The following MAP1B variants were observed in gnomAD, a reference collection of about 807,000 sequenced individuals.
MAP1B encodes microtubule-associated protein 1B.
A neutral mutation model predicts 176.1 loss-of-function variants in MAP1B; 12 were observed. That is an observed-to-expected ratio of 0.07 (90% CI 0.04 to 0.11). MAP1B has a LOEUF of 0.11. Ranked by LOEUF, MAP1B falls within the 10% of genes least tolerant of loss-of-function variation. MAP1B has a pLI of 1.00. For synonymous variants in MAP1B, 1,044 were observed against 1,135.0 expected (o/e 0.92, Z 1.61); for missense variants, 2,523 against 2,990.5 (o/e 0.84, Z 3.65).
chr5:72,185,454 G>T (rs1746875917), intron 3 of MAP1B, among the ~76,000 whole-genome samples: 1 of 152,112 alleles, frequency 6.6e-6, no homozygotes, highest in African/African-American at 2.4e-5. Context: ...AATTAGCCGG[G>T]CATGGTGTTG....
chr5:72,205,953 C>T lies in MAP1B; in HGVS notation c.*714C>T, dbSNP rs1183755319. 1 of 152,682 alleles carries T rather than the reference C, an allele frequency of 6.5e-6. No homozygotes were observed. Among genetic ancestry groups the T allele is most frequent in the Non-Finnish European group, 1.5e-5 (1 of 68,092 alleles). The allele number at this position is 152,682 out of a possible 1,614,324, so 9.5% of individuals were successfully genotyped here. Reference sequence around the variant, plus strand: ...CTTCAGTTTGAAGGCTGCACACTGACATAATGTAGTGAGTGTAGACTGGCC... The same window carrying T: ...CTTCAGTTTGAAGGCTGCACACTGATATAATGTAGTGAGTGTAGACTGGCC... On this transcript the variant is annotated 3_prime_UTR_variant, in exon 7 of 7. Transcript: ENST00000296755.
chr5:72,203,319 A>T (rs1379964266), intron 5 of MAP1B, among the ~76,000 whole-genome samples: 1 of 152,216 alleles, frequency 6.6e-6, no homozygotes, highest in Non-Finnish European at 1.5e-5. Flanking sequence ...ACAAAGGGAA[A>T]CTATCCCATT....
At chr5:72,187,510 A>G (rs950278673) in intron 4 of MAP1B, among the ~76,000 whole-genome samples, 1 of 152,214 alleles carries the variant, frequency 6.6e-6, no homozygotes, top group Non-Finnish European at 1.5e-5. Context: ...TACAGAAACA[A>G]TTCAGACCCA....
chr5:72,161,540 G>A (rs1226522083), intron 2 of MAP1B, among the ~76,000 whole-genome samples: 1 of 152,184 alleles, frequency 6.6e-6, no homozygotes. Flanking sequence ...AGTTGCAGTT[G>A]GTGAAGAGTC....
At position 72,123,257 on chromosome 5, in the gene MAP1B, T is replaced by C. The variant is rs552337175; in HGVS notation, c.286+7458T>C. Among the ~76,000 whole-genome samples the C allele has an allele frequency of 1.4e-4, 22 of 152,342 alleles. 1 individual carries two copies. The South Asian group carries it at 4.3e-3, about 30-fold the overall frequency. ...AAATAAGTCATTCACAGCTTTAAAA[T>C]TCACTGTGTTTCTCAACAAAGAAAG... On this transcript the variant is annotated intron_variant, in intron 2 of 6. Coordinates refer to ENST00000296755, the MANE Select transcript of MAP1B (RefSeq NM_005909.5).
In MAP1B at chr5:72,195,080, A is replaced by G. The variant is rs142124563; in HGVS notation, c.1725A>G (p.Glu575=). 344 of 1,614,136 alleles carry G rather than the reference A, an allele frequency of 2.1e-4. No homozygotes were observed. Among genetic ancestry groups the G allele is most frequent in the Non-Finnish European group, 2.9e-4 (337 of 1,180,032 alleles). ...TPEVTKVNHV[E]KPPKVESKEK... ...AGGTCACAAAAGTGAATCACGTGGA[A>G]AAGCCACCCAAAGTTGAAAGCAAAG... Residue 575 remains glutamate, a synonymous_variant, in exon 5 of 7, where the codon GAA becomes GAG. Coordinates refer to ENST00000296755, the MANE Select transcript of MAP1B (RefSeq NM_005909.5).
At chr5:72,165,697 T>TGTG (rs1746414590) in intron 2 of MAP1B, among the ~76,000 whole-genome samples, 1 of 152,182 alleles carries the variant, frequency 6.6e-6, no homozygotes, top group Non-Finnish European at 1.5e-5. Context: ...ATCACTACCC[T>TGTG]AGATGAAAAA....
chr5:72,114,621 AACAC>A (rs770573271), intron 1 of MAP1B, among the ~76,000 whole-genome samples: 1 of 152,120 alleles, frequency 6.6e-6, no homozygotes, highest in African/African-American at 2.4e-5. Context: ...AAACATGTAA[AACAC>A]ACACACACAC....
At chr5:72,164,207 A>C (rs1746385508) in intron 2 of MAP1B, among the ~76,000 whole-genome samples, 1 of 151,952 alleles carries the variant, frequency 6.6e-6, no homozygotes, top group Non-Finnish European at 1.5e-5. Context: ...CTGGGATTAC[A>C]GGCATGAGCT....
At chr5:72,184,266 C>T (rs754102334) in intron 3 of MAP1B, among the ~76,000 whole-genome samples, 15 of 152,302 alleles carry the variant, frequency 9.8e-5, no homozygotes, top group African/African-American at 3.1e-4. Flanking sequence ...ACACTCCTAT[C>T]GCTGTGGAAA....
intron 2 of MAP1B, among the ~76,000 whole-genome samples, chr5:72,130,014 C>T (rs556199663): frequency 6.6e-6 from 1 of 152,178 alleles, no homozygotes; most frequent in South Asian, 2.1e-4. Context: ...ATTCTGTCAT[C>T]AGATAGAAAT....
At chr5:72,188,762 C>T (rs1055793555) in intron 4 of MAP1B, among the ~76,000 whole-genome samples, 6 of 152,126 alleles carry the variant, frequency 3.9e-5, no homozygotes, top group African/African-American at 1.2e-4. Flanking sequence ...ACTCGAGTTC[C>T]GTGGAAGGGC....
At chr5:72,155,100 C>CTG (rs1746204853) in intron 2 of MAP1B, among the ~76,000 whole-genome samples, 1 of 152,222 alleles carries the variant, frequency 6.6e-6, no homozygotes, top group African/African-American at 2.4e-5. Context: ...TGTCCATTCA[C>CTG]TGGTTTAGCA....
chr5:72,168,086 G>C (rs1746465936), intron 2 of MAP1B, among the ~76,000 whole-genome samples: 1 of 152,238 alleles, frequency 6.6e-6, no homozygotes, highest in Admixed American at 6.5e-5. Context: ...GAGCTGAGGA[G>C]GGCCTCAGGC....
At chr5:72,159,395 G>C (rs1421931046) in intron 2 of MAP1B, among the ~76,000 whole-genome samples, 1 of 151,666 alleles carries the variant, frequency 6.6e-6, no homozygotes, top group African/African-American at 2.4e-5. Context: ...TCTCTGAAGA[G>C]AGCAAAAATG....
At chr5:72,145,995 TA>T (rs1382607010) in intron 2 of MAP1B, among the ~76,000 whole-genome samples, 1 of 152,182 alleles carries the variant, frequency 6.6e-6, no homozygotes, top group Non-Finnish European at 1.5e-5. Flanking sequence ...GATAAAGAGA[TA>T]GGTCAAAGAA....
intron 1 of MAP1B, among the ~76,000 whole-genome samples, chr5:72,110,179 C>T (rs979413263): frequency 2.0e-5 from 3 of 152,198 alleles, no homozygotes; most frequent in Admixed American, 2.0e-4. Context: ...TTACCCAGAT[C>T]AAGAAACAGA....
chr5:72,115,314 C>T (rs1352680470), intron 1 of MAP1B, among the ~76,000 whole-genome samples: 1 of 152,220 alleles, frequency 6.6e-6, no homozygotes, highest in East Asian at 1.9e-4. Flanking sequence ...TGGAGTTAGT[C>T]TGTCTACAAG....
At chr5:72,183,920 G>A in intron 3 of MAP1B, 95 bp downstream of exon 3, 1 of 1,052,364 alleles carries the variant, frequency 9.5e-7, no homozygotes, top group Non-Finnish European at 1.4e-6. Flanking sequence ...GGGCAGGAGA[G>A]GGACACAACA....
Sources: gnomAD v4.1 joint callset for allele counts (sites outside exome capture counted in the v4.1 genomes callset) on GRCh38, gnomAD v4.1.1 for gene constraint, MANE v1.5 for transcripts, NCBI Gene and HGNC (gene_info 2026-07-23, HGNC 2026-07-21) for gene names.